The following RFFL variants were observed in gnomAD, a reference collection of about 807,000 sequenced individuals.
The protein encoded by RFFL is ring finger and FYVE like domain containing E3 ubiquitin protein ligase, also known as E3 ubiquitin-protein ligase rififylin.
RFFL carries 16 observed loss-of-function variants against 40.4 expected under a neutral mutation model. The observed-to-expected ratio is 0.40, with a 90% CI of 0.27 to 0.60. The LOEUF (loss-of-function observed/expected upper bound fraction) is 0.60. Ranked by LOEUF, RFFL falls within the 20% of genes least tolerant of loss-of-function variation. RFFL has a pLI of 0.47. For missense variants in RFFL, 367 were observed against 451.7 expected (o/e 0.81, Z 1.70); for synonymous variants, 154 against 167.9 (o/e 0.92, Z 0.64).
At chr17:35,019,278 T>C (rs918805506) in intron 3 of RFFL, among the ~76,000 whole-genome samples, 4 of 152,180 alleles carry the variant, frequency 2.6e-5, no homozygotes, top group African/African-American at 9.7e-5. Context: ...CACTTAGATC[T>C]TGTATGTAGG....
At chr17:35,066,376 C>T (rs2091321193), upstream of RFFL, among the ~76,000 whole-genome samples, 1 of 152,090 alleles carries the variant, frequency 6.6e-6, no homozygotes, top group Non-Finnish European at 1.5e-5. Context: ...TTAAAATATC[C>T]ATTTCTCAGG....
Position 35,036,518 on chromosome 17 carries a change from C to T in RFFL, c.-8-9957G>A, listed in dbSNP as rs377319311. The T allele has an allele frequency of 1.8e-4, 27 of 152,210 alleles. No individual in the cohort carries two copies. In the East Asian group the frequency reaches 4.4e-3, roughly 25 times the overall value. The allele number at this position is 152,210 out of a possible 1,614,324, so 9.4% of individuals were successfully genotyped here. On this transcript the variant is annotated intron_variant, in intron 1 of 6. Coordinates refer to ENST00000394597, the MANE Select transcript of RFFL (RefSeq NM_001017368.2). ...TGCTAGGGTCTCCTCTTCCACTTTC[C>T]CTAAAAGGGAGAAAAATGGGAGATG... is the stretch of plus-strand genomic sequence containing the variant.
At chr17:35,014,096 T>C (rs2090958095) in intron 6 of RFFL, among the ~76,000 whole-genome samples, 1 of 152,166 alleles carries the variant, frequency 6.6e-6, no homozygotes, top group African/African-American at 2.4e-5. Flanking sequence ...CCTTGAGGCT[T>C]TTGAAAACAC....
intron 1 of RFFL, among the ~76,000 whole-genome samples, chr17:35,053,144 G>A (rs2142359022): frequency 6.6e-6 from 1 of 152,298 alleles, no homozygotes; most frequent in South Asian, 2.1e-4. Flanking sequence ...GGACAGGAAG[G>A]AGTTGATGGA....
chr17:35,017,175 C>T (rs1449974073), intron 4 of RFFL, among the ~76,000 whole-genome samples: 1 of 152,012 alleles, frequency 6.6e-6, no homozygotes, highest in African/African-American at 2.4e-5. Context: ...TGTCTGACCT[C>T]CTTCCCTTGA....
intron 1 of RFFL, among the ~76,000 whole-genome samples, chr17:35,045,740 T>C (rs1422718039): frequency 2.6e-5 from 4 of 152,006 alleles, no homozygotes; most frequent in Admixed American, 6.6e-5. Context: ...AATTGCACAA[T>C]TGGCGAGGCA....
chr17:35,026,496 G>A lies in RFFL; in HGVS notation c.58C>T (p.Pro20Ser), dbSNP rs1420202241. ...CLDGQPEEVP[P>S]PQGARMQAYS... ...GCCTGCATCCTGGCTCCCTGGGGTG[G>A]TGGGACCTCCTCAGGCTGTCCATCC... Residue 20 changes from proline to serine, a missense_variant, in exon 2 of 7, where the codon CCA becomes TCA. Physicochemically the swap from Pro to Ser is moderately conservative, Grantham distance 74. Coordinates refer to ENST00000394597, the MANE Select transcript of RFFL (RefSeq NM_001017368.2). 1 of 1,611,990 alleles carries A rather than the reference G, an allele frequency of 6.2e-7. No homozygotes were observed. The highest frequency in any genetic ancestry group is 1.7e-5 in the Admixed American group (1 of 59,260).
intron 1 of RFFL, among the ~76,000 whole-genome samples, chr17:35,045,467 C>G (rs1006281564): frequency 4.6e-5 from 7 of 151,908 alleles, no homozygotes; most frequent in Non-Finnish European, 7.4e-5. Context: ...CTCCTGACCT[C>G]AAGTGATTTG....
chr17:35,011,816 C>T lies in RFFL; in HGVS notation c.*152G>A, dbSNP rs1469877250. 4.3e-6 allele frequency: 3 copies of T among 696,850 alleles called. No homozygotes were observed. The highest frequency in any genetic ancestry group is 7.3e-6 in the Non-Finnish European group (3 of 412,600). 43.2% of individuals were successfully genotyped at this position (696,850 alleles called of 1,614,324 possible). A position where few individuals can be genotyped will look rare whatever the true frequency, so the allele number is the denominator to read the frequency against. On this transcript the variant is annotated 3_prime_UTR_variant, in exon 7 of 7. Coordinates refer to ENST00000394597, the MANE Select transcript of RFFL (RefSeq NM_001017368.2). ...AGAGGTACACCCCTGGGAAGACAGG[C>T]ATGCTCAGGGGTGACATGGCATCTT... is the stretch of plus-strand genomic sequence containing the variant.
intron 1 of RFFL, among the ~76,000 whole-genome samples, chr17:35,081,093 AGAG>A (rs1379339686): frequency 6.6e-6 from 1 of 152,216 alleles, no homozygotes; most frequent in Non-Finnish European, 1.5e-5. Flanking sequence ...GTATCTTTTT[AGAG>A]GAGAGGACAA....
chr17:35,069,251 G>A (rs1009942889), intron 1 of RFFL: 13 of 456,404 alleles, frequency 2.8e-5, no homozygotes, highest in East Asian at 6.9e-5. Flanking sequence ...CTTCCTAAAC[G>A]TCTACCCTGG....
chr17:35,029,856 G>C (rs575968344), intron 1 of RFFL, among the ~76,000 whole-genome samples: 2 of 102,346 alleles, frequency 2.0e-5, no homozygotes, highest in Non-Finnish European at 3.8e-5. Flanking sequence ...CCAACGCCAC[G>C]ACAGTCCCCA....
intron 1 of RFFL, among the ~76,000 whole-genome samples, chr17:35,070,323 C>T (rs1190423887): frequency 2.0e-5 from 3 of 152,132 alleles, no homozygotes; most frequent in Admixed American, 2.0e-4. Flanking sequence ...GTGCATGCCA[C>T]CATGCCTGGC....
intron 1 of RFFL, among the ~76,000 whole-genome samples, chr17:35,032,873 A>G (rs1032483376): frequency 6.6e-6 from 1 of 152,134 alleles, no homozygotes; most frequent in Non-Finnish European, 1.5e-5. Context: ...AACGCTGTCA[A>G]ATGTCTCAGA....
chr17:35,072,234 T>C (rs748681906), intron 1 of RFFL, among the ~76,000 whole-genome samples: 3 of 150,954 alleles, frequency 2.0e-5, no homozygotes, highest in Non-Finnish European at 2.9e-5. Context: ...TAAGCTGAGA[T>C]TGCGCCACTG....
At chr17:35,049,728 C>T (rs762925041) in intron 1 of RFFL, among the ~76,000 whole-genome samples, 17 of 152,214 alleles carry the variant, frequency 1.1e-4, no homozygotes, top group Non-Finnish European at 2.4e-4. Context: ...AACCACCACA[C>T]TCAGAAAACA....
chr17:35,071,586 C>T lies in RFFL; in HGVS notation c.-9+17519G>A, dbSNP rs1227413860. Among the ~76,000 whole-genome samples the T allele has an allele frequency of 2.0e-5, 3 of 152,018 alleles. No homozygotes were observed. The East Asian group carries it at 5.8e-4, about 29-fold the overall frequency. On this transcript the variant is annotated intron_variant, in intron 1 of 6. Coordinates refer to the RFFL transcript ENST00000315249. ...TGAGCTGAGATCGCACCATTGCACT[C>T]CAGCCTGGGTGATAGAGTGAGTGAG...
chr17:35,016,266 C>T, intron 5 of RFFL, 104 bp downstream of exon 5: 2 of 1,007,956 alleles, frequency 2.0e-6, no homozygotes, highest in African/African-American at 1.6e-5. Flanking sequence ...TGTCTCCTTC[C>T]ATGGCTTAAG....
At chr17:35,039,629 A>G (rs1477788471) in intron 1 of RFFL, among the ~76,000 whole-genome samples, 2 of 151,922 alleles carry the variant, frequency 1.3e-5, no homozygotes, top group Admixed American at 6.6e-5. Flanking sequence ...TCCCCAGTAA[A>G]GCTCTTTTTC....
Sources: allele counts gnomAD v4.1 joint callset (sites outside exome capture counted in the v4.1 genomes callset), GRCh38; gene constraint gnomAD v4.1.1; transcripts MANE v1.5; gene names NCBI Gene and HGNC (gene_info 2026-07-23, HGNC 2026-07-21).